The following GZMB variants were observed in gnomAD, a reference collection of about 807,000 sequenced individuals.
GZMB encodes the protein T-cell serine protease 1-3E.
A neutral mutation model predicts 24.2 loss-of-function variants in GZMB; 27 were observed. That is an observed-to-expected ratio of 1.12 (90% CI 0.82 to 1.54). The LOEUF (loss-of-function observed/expected upper bound fraction) is 1.54, where lower values mean the gene tolerates loss of function less well. Ranked by LOEUF, GZMB falls within the 40% of genes most tolerant of loss-of-function variation. GZMB has a pLI of 0.00. For synonymous variants in GZMB, 121 were observed against 115.1 expected (o/e 1.05, Z -0.33); for missense variants, 336 against 310.1 (o/e 1.08, Z -0.63).
Position 24,633,588 on chromosome 14 carries a change from C to T in GZMB, c.55+518G>A, listed in dbSNP as rs527241137. ...AGAAAGCAGGGAAGCTGGGGCCTGC[C>T]GTAGTGCCTCATCCTTGGAAAGAGG... On this transcript the variant is annotated intron_variant, in intron 1 of 4. Transcript: ENST00000216341. 1.7e-4 allele frequency among the ~76,000 whole-genome samples: 26 copies of T among 152,232 alleles called. 1 individual carries two copies. In the South Asian group the frequency reaches 5.0e-3, roughly 29 times the overall value.
At chr14:24,633,878 A>C (rs929304601) in intron 1 of GZMB, 1 of 617,942 alleles carries the variant, frequency 1.6e-6, no homozygotes, top group African/African-American at 1.8e-5. Context: ...CCAGGTGACA[A>C]AGGTGGGCTC....
Position 24,631,170 on chromosome 14 carries a change from G to T in GZMB, c.645C>A (p.Gly215=). Residue 215 remains glycine, a synonymous_variant, in exon 5 of 5, where the codon GGC becomes GGA. Transcript: ENST00000216341. The part of the protein sequence containing the change: ...GPLVCNKVAQ[G]IVSYGRNNGM... ...CATTGTTTCGTCCATAGGAGACAAT[G>T]CCCTGGGCCACCTTGTTACACACAA... The T allele has an allele frequency of 6.2e-7, 1 of 1,613,038 alleles. No individual in the cohort carries two copies. The highest frequency in any genetic ancestry group is 2.2e-5 in the East Asian group (1 of 44,872).
chr14:24,631,026 GAGA>G lies in GZMB; in HGVS notation c.*42_*44del. 5 of 1,496,200 alleles carry G rather than the reference GAGA, an allele frequency of 3.3e-6. No individual in the cohort carries two copies. The highest frequency in any genetic ancestry group is 4.7e-6 in the Non-Finnish European group (5 of 1,074,434). The allele number at this position is 1,496,200 out of a possible 1,614,324, so 92.7% of individuals were successfully genotyped here. A position where few individuals can be genotyped will look rare whatever the true frequency, so the allele number is the denominator to read the frequency against. On this transcript the variant is annotated 3_prime_UTR_variant, in exon 5 of 5. Transcript: ENST00000216341. ...CAGTGTAAATCTGGACTTGGCTCCA[GAGA>G]AGGTGTTTCATTACAGCGGGGGCTT...
chr14:24,631,771 G>C, intron 4 of GZMB, 87 bp downstream of exon 4: 1 of 1,033,940 alleles, frequency 9.7e-7, no homozygotes, highest in Non-Finnish European at 1.5e-6. Context: ...GGGTGAAGGA[G>C]TCCCCCACTA....
At chr14:24,631,374 G>T (rs138110636) in intron 4 of GZMB, among the ~76,000 whole-genome samples, 160 bp from the exon 5 acceptor site, 1 of 152,348 alleles carries the variant, frequency 6.6e-6, no homozygotes, top group Non-Finnish European at 1.5e-5. Context: ...CCAAGCTCTG[G>T]CCCTGGACAT....
intron 1 of GZMB, 178 bp from the exon 2 acceptor site, chr14:24,633,240 T>C: frequency 1.0e-6 from 1 of 985,220 alleles, no homozygotes; most frequent in Middle Eastern, 5.2e-4. Context: ...CAGACTTTGG[T>C]CTGTAAATCT....
rs1323176023 is a variant in GZMB, at chr14:24,631,114, G to T, written c.701C>A (p.Ser234Ter). ...TTTCTTTATCCAGTGTACAAAGCTTGAGACTTTGGTGCAGGCTCGTGGAGG... is the reference window on the plus strand; with the variant it reads ...TTTCTTTATCCAGTGTACAAAGCTTTAGACTTTGGTGCAGGCTCGTGGAGG... ...GMPPRACTKV[S>*]SFVHWIKKTM... The change falls in exon 5 of 5, where the codon TCA (serine) becomes TAA (stop). Residue 234 changes from serine (S) to a stop codon, truncating the protein, a stop_gained. Transcript: ENST00000216341. LOFTEE classifies it low-confidence loss of function (END_TRUNC). 14 of 1,613,556 alleles carry T rather than the reference G, an allele frequency of 8.7e-6. 1 individual carries two copies. The highest frequency in any genetic ancestry group is 1.2e-5 in the Non-Finnish European group (14 of 1,179,460).
At position 24,632,447 on chromosome 14, in the gene GZMB, G is replaced by A; in HGVS notation, c.216C>T (p.Val72=). The A allele has an allele frequency of 6.2e-7, 1 of 1,613,202 alleles. No individual in the cohort carries two copies. Among genetic ancestry groups the A allele is most frequent in the Admixed American group, 1.7e-5 (1 of 59,978 alleles). Residue 72 remains valine (V), a synonymous_variant, in exon 3 of 5, where the codon GTC becomes GTT. Transcript: ENST00000216341. ...AAHCWGSSIN[V]TLGAHNIKEQ... ...CTTTGATATTGTGGGCCCCCAAGGT[G>A]ACATTTATGGAGCTGCACAGAGAGC...
At chr14:24,632,146 G>C (rs771247702) in intron 3 of GZMB, 28 bp from the exon 4 acceptor site, 20 of 1,609,602 alleles carry the variant, frequency 1.2e-5, no homozygotes, top group Non-Finnish European at 1.7e-5. Context: ...AGAAAGTCCA[G>C]GTCAGCCAAC....
intron 3 of GZMB, 68 bp from the exon 4 acceptor site, chr14:24,632,186 GC>G: frequency 2.5e-6 from 4 of 1,584,300 alleles, no homozygotes; most frequent in Non-Finnish European, 3.4e-6. Context: ...CAGTGATGGG[GC>G]TGCACAATCT....
chr14:24,631,256 G>A (rs1481627962), intron 4 of GZMB, 42 bp from the exon 5 acceptor site: 2 of 1,576,594 alleles, frequency 1.3e-6, no homozygotes, highest in African/African-American at 2.7e-5. Flanking sequence ...TGCTCCTCCG[G>A]GTCCTGCCCT....
chr14:24,632,201 CT>C, intron 3 of GZMB, 83 bp from the exon 4 acceptor site: 5 of 1,547,902 alleles, frequency 3.2e-6, no homozygotes, highest in Non-Finnish European at 4.4e-6. Flanking sequence ...ACAATCTTCC[CT>C]CTCCTCTGAG....
Position 24,632,946 on chromosome 14 carries a change from A to T in GZMB, c.172T>A (p.Phe58Ile), listed in dbSNP as rs776733343. ...RCGGFLIRDD[F>I]VLTAAHCWGS... ...CAACAGTGAGCAGCTGTCAGCACGA[A>T]GTCGTCTCGTATCAGGAAGCCACCG... Residue 58 changes from phenylalanine (F) to isoleucine (I), a missense_variant, in exon 2 of 5, where the codon TTC becomes ATC. By Grantham distance (21) the Phe-to-Ile change is conservative. Transcript: ENST00000216341. 3 of 1,613,402 alleles carry T rather than the reference A, an allele frequency of 1.9e-6. No homozygotes were observed. Among genetic ancestry groups the T allele is most frequent in the South Asian group, 2.2e-5 (2 of 90,992 alleles).
intron 3 of GZMB, 90 bp from the exon 4 acceptor site, chr14:24,632,208 C>G (rs117556181): frequency 4.2e-6 from 6 of 1,421,024 alleles, no homozygotes; most frequent in Non-Finnish European, 4.8e-6. Context: ...TCCCTCTCCT[C>G]TGAGGCATAG....
At chr14:24,633,113 G>A (rs1186663241) in intron 1 of GZMB, 51 bp from the exon 2 acceptor site, 3 of 1,544,610 alleles carry the variant, frequency 1.9e-6, no homozygotes, top group Admixed American at 1.9e-5. Context: ...CTGCTGGGTG[G>A]GCACCTGCTT....
rs769976739 is a variant in GZMB at position 24,632,041 on chromosome 14, C to T, written c.417G>A (p.Gly139=). The change falls in exon 4 of 5, where the codon GGG becomes GGA. Residue 139 remains glycine, a synonymous_variant. Transcript: ENST00000216341. ...CCCAGCCGGCCACACTGCATGTCTG[C>T]CCTGGCTTCACCTGGGCCTTGTTGC... The part of the protein sequence containing the change: ...LPSNKAQVKP[G]QTCSVAGWGQ... The T allele has an allele frequency of 6.2e-7, 1 of 1,614,214 alleles. No homozygotes were observed. The highest frequency in any genetic ancestry group is 8.5e-7 in the Non-Finnish European group (1 of 1,180,024).
chr14:24,631,708 C>T (rs2066995882), intron 4 of GZMB, 150 bp downstream of exon 4: 3 of 708,090 alleles, frequency 4.2e-6, no homozygotes, highest in South Asian at 1.8e-5. Context: ...AATTTCTCCC[C>T]AGCTCAGTCT....
At chr14:24,632,638 T>C in intron 2 of GZMB, 179 bp from the exon 3 acceptor site, 2 of 1,008,020 alleles carry the variant, frequency 2.0e-6, no homozygotes, top group Non-Finnish European at 3.1e-6. Flanking sequence ...CGGTTCCCCC[T>C]AGAAACACAG....
rs1266041901 is a variant in GZMB, at chr14:24,631,192, A to G, written c.623T>C (p.Val208Ala). 1.1e-5 allele frequency: 18 copies of G among 1,613,614 alleles called. No homozygotes were observed. The highest frequency in any genetic ancestry group is 1.5e-5 in the Non-Finnish European group (18 of 1,179,706). The change falls in exon 5 of 5, where the codon GTG becomes GCG. Residue 208 changes from valine to alanine, a missense_variant. Transcript: ENST00000216341. ...AATGCCCTGGGCCACCTTGTTACAC[A>G]CAAGAGGGCCTCCAGAGTCCCCCTG... ...SFKGDSGGPL[V>A]CNKVAQGIVS...
Sources: gnomAD v4.1 joint callset for allele counts (sites outside exome capture counted in the v4.1 genomes callset) on GRCh38, gnomAD v4.1.1 for gene constraint, MANE v1.5 for transcripts, NCBI Gene and HGNC (gene_info 2026-07-23, HGNC 2026-07-21) for gene names.